KIRREL3: variants seen among roughly 807,000 people sequenced by gnomAD.
KIRREL3 encodes the protein kin of IRRE-like protein 3.
In KIRREL3, 36 loss-of-function variants were observed where a neutral mutation model predicts 89.7. The observed-to-expected ratio is 0.40, with a 90% confidence interval of 0.31 to 0.53. KIRREL3 has a LOEUF of 0.53. Among genes scored for constraint, KIRREL3 ranks in the 20% least tolerant of loss-of-function variants. The pLI, the probability that KIRREL3 is intolerant of heterozygous loss-of-function variation, is 0.49. For synonymous variants in KIRREL3, 445 were observed against 441.4 expected (o/e 1.01, Z -0.10); for missense variants, 864 against 1,056.6 (o/e 0.82, Z 2.53).
intron 1 of KIRREL3, among the ~76,000 whole-genome samples, chr11:126,827,985 A>G (rs951789151): frequency 6.6e-6 from 1 of 152,312 alleles, no homozygotes; most frequent in Admixed American, 6.5e-5. Context: ...CTTGGGAGCA[A>G]TGTGACTTAT....
At chr11:126,932,580 G>A (rs1305499887) in intron 1 of KIRREL3, among the ~76,000 whole-genome samples, 3 of 152,314 alleles carry the variant, frequency 2.0e-5, no homozygotes, top group Admixed American at 6.5e-5. Context: ...CCAATAAGCA[G>A]CAGGTCCCTG....
Position 126,995,088 on chromosome 11 carries a change from G to A in KIRREL3, c.55+5367C>T, listed in dbSNP as rs560750351. On this transcript the variant is annotated intron_variant, in intron 1 of 16. Coordinates refer to ENST00000525144, the MANE Select transcript of KIRREL3 (RefSeq NM_032531.4). This position sits in a 1 kb window ranked among gnomAD's most constrained non-coding sequence, Gnocchi z 6.5. ...CTCTACTTGGAATACAGGATGAAGCGATTACAACCTGGGCGCAGTATACTG... is the reference window on the plus strand; with the variant it reads ...CTCTACTTGGAATACAGGATGAAGCAATTACAACCTGGGCGCAGTATACTG... 13 of 415,320 alleles carry A rather than the reference G, an allele frequency of 3.1e-5. No homozygotes were observed. Among genetic ancestry groups the A allele is most frequent in the East Asian group, 1.4e-4 (2 of 13,996 alleles). 25.7% of individuals were successfully genotyped at this position (415,320 alleles called of 1,614,324 possible).
Position 126,516,597 on chromosome 11 carries a change from G to T in KIRREL3, c.433+4718C>A, listed in dbSNP as rs1958416278. The stretch of plus-strand genomic sequence containing the variant: ...GTGCTTGGCATATAACAGGTGCTCA[G>T]TAAACATTTGTTGATCAAATCCTTG... On this transcript the variant is annotated intron_variant, in intron 4 of 16. Transcript: ENST00000525144. This position sits in a 1 kb window ranked among gnomAD's most constrained non-coding sequence, Gnocchi z 4.9. 6.6e-6 allele frequency among the ~76,000 whole-genome samples: 1 copy of T among 152,204 alleles called. No individual in the cohort carries two copies. The highest frequency in any genetic ancestry group is 2.1e-4 in the South Asian group (1 of 4,828).
At chr11:126,893,716 A>G (rs1201890508) in intron 1 of KIRREL3, among the ~76,000 whole-genome samples, 1 of 152,212 alleles carries the variant, frequency 6.6e-6, no homozygotes, top group Non-Finnish European at 1.5e-5. Context: ...CCACGTCTGA[A>G]TGCACTTAAA....
intron 1 of KIRREL3, among the ~76,000 whole-genome samples, chr11:126,718,189 G>T (rs768449239): frequency 1.3e-4 from 20 of 152,114 alleles, no homozygotes; most frequent in Non-Finnish European, 2.5e-4. Flanking sequence ...CCACATTTCT[G>T]CCCTCTGCCT....
chr11:126,467,007 C>T (rs1252938150), intron 5 of KIRREL3, among the ~76,000 whole-genome samples: 1 of 152,250 alleles, frequency 6.6e-6, no homozygotes, highest in Non-Finnish European at 1.5e-5. Context: ...CAAGAGTCCC[C>T]GAGGACCCAG....
At chr11:126,720,086 T>A (rs1398376669) in intron 1 of KIRREL3, among the ~76,000 whole-genome samples, 2 of 152,236 alleles carry the variant, frequency 1.3e-5, no homozygotes, top group Non-Finnish European at 2.9e-5. Context: ...GTCCTTACTA[T>A]TTTTCCTGCC....
rs1196832880 is a variant in KIRREL3, at chr11:126,562,543, G to A, written c.133+292C>T. Among the ~76,000 whole-genome samples the A allele has an allele frequency of 6.6e-6, 1 of 152,174 alleles. No homozygotes were observed. Among genetic ancestry groups the A allele is most frequent in the Non-Finnish European group, 1.5e-5 (1 of 68,026 alleles). ...GATTTAATTGGGCTGGCTGTGGGGT[G>A]GGGTGCGGAAGAAATGGTAGGGAAG... On this transcript the variant is annotated intron_variant, in intron 2 of 16. Transcript: ENST00000525144. This position sits in a 1 kb window ranked among gnomAD's most constrained non-coding sequence, Gnocchi z 4.7.
At chr11:126,536,187 A>G (rs1193996312) in intron 2 of KIRREL3, among the ~76,000 whole-genome samples, 1 of 152,152 alleles carries the variant, frequency 6.6e-6, no homozygotes, top group Admixed American at 6.5e-5. Context: ...TGGCAGGGCC[A>G]TCTTGGGGAA....
rs1946504430 is a variant in KIRREL3 at position 126,904,690 on chromosome 11, T to C, written c.55+95765A>G. Among the ~76,000 whole-genome samples, 2 of 152,336 alleles carry C rather than the reference T, an allele frequency of 1.3e-5. No individual in the cohort carries two copies. The highest frequency in any genetic ancestry group is 3.4e-3 in the Middle Eastern group (1 of 294). On this transcript the variant is annotated intron_variant, in intron 1 of 16. Transcript: ENST00000525144. This position sits in a 1 kb window ranked among gnomAD's most constrained non-coding sequence, Gnocchi z 4.4. ...CTCCTGCTACAGTTTAGCACAGCTA[T>C]AGCTTGGGGGTAGGGGGTCAAAGGA...
intron 4 of KIRREL3, among the ~76,000 whole-genome samples, chr11:126,510,258 G>T (rs1028748162): frequency 2.6e-5 from 4 of 152,066 alleles, no homozygotes; most frequent in African/African-American, 9.7e-5. Context: ...CAGATTTGCT[G>T]CCATCATCTC....
rs111447128 is a variant in KIRREL3 at position 126,970,093 on chromosome 11, C to G, written c.55+30362G>C. ...CCTAGGTTGTCACCTAGGGACGGAA[C>G]AGGAAAATGCAGCCTCTCTACCACT... is the stretch of plus-strand genomic sequence containing the variant. On this transcript the variant is annotated intron_variant, in intron 1 of 16. Transcript: ENST00000525144. The surrounding 1 kb of genome is among the most constrained non-coding windows in gnomAD (Gnocchi z 4.4). 0.026 allele frequency among the ~76,000 whole-genome samples: 3,982 copies of G among 152,288 alleles called. 79 individuals are homozygous for G. The highest frequency in any genetic ancestry group is 0.065 in the Middle Eastern group (19 of 294).
At chr11:126,657,039 G>T (rs956784846) in intron 1 of KIRREL3, among the ~76,000 whole-genome samples, 3 of 151,684 alleles carry the variant, frequency 2.0e-5, no homozygotes, top group Non-Finnish European at 4.4e-5. Flanking sequence ...CTGGGCAATG[G>T]AGTGAGACTG....
At chr11:126,815,125 G>A (rs2134435335) in intron 1 of KIRREL3, among the ~76,000 whole-genome samples, 1 of 152,200 alleles carries the variant, frequency 6.6e-6, no homozygotes, top group South Asian at 2.1e-4. Context: ...AAAAACAGAT[G>A]ACAAAAGACA....
chr11:126,745,073 G>T (rs535401766), intron 1 of KIRREL3, among the ~76,000 whole-genome samples: 6 of 152,176 alleles, frequency 3.9e-5, no homozygotes, highest in African/African-American at 1.4e-4. Flanking sequence ...CTCCTTCCAC[G>T]CCAGGTATCA....
chr11:126,958,618 T>C lies in KIRREL3; in HGVS notation c.55+41837A>G, dbSNP rs762676979. Among the ~76,000 whole-genome samples the C allele has an allele frequency of 5.3e-4, 81 of 152,360 alleles. 1 individual carries two copies. The highest frequency in any genetic ancestry group is 6.8e-3 in the Middle Eastern group (2 of 294). On this transcript the variant is annotated intron_variant, in intron 1 of 16. Transcript: ENST00000525144. Reference sequence around the variant, plus strand: ...GAAGTGGTCTTCATTTGTGAATTCATCTACAGTGCCTAGTGCAGTGTCTTT... The same window carrying C: ...GAAGTGGTCTTCATTTGTGAATTCACCTACAGTGCCTAGTGCAGTGTCTTT...
At position 126,424,431 on chromosome 11, in the gene KIRREL3, C is replaced by A. The variant is rs1954847754; in HGVS notation, c.*149G>T. ...GACCCAGATTTGTGCTTGATCAGAG[C>A]TTCGAAGGAAGGCAGTGGCAGAGGC... On this transcript the variant is annotated 3_prime_UTR_variant, in exon 17 of 17. Transcript: ENST00000525144. The A allele has an allele frequency of 5.7e-6, 4 of 696,164 alleles. No individual in the cohort carries two copies. The highest frequency in any genetic ancestry group is 7.2e-6 in the Non-Finnish European group (3 of 418,612). 43.1% of individuals were successfully genotyped at this position (696,164 alleles called of 1,614,324 possible).
rs1295028224 is a variant in KIRREL3, at chr11:126,455,238, C to T, written c.848+1111G>A. Among the ~76,000 whole-genome samples, 4 of 152,236 alleles carry T rather than the reference C, an allele frequency of 2.6e-5. No individual in the cohort carries two copies. Among genetic ancestry groups the T allele is most frequent in the African/African-American group, 2.4e-5 (1 of 41,462 alleles). ...TGAGTCAGGGCCATGGCAAGTTCCA[C>T]GTGGCACCCAAAAGGAGGTGAGTCT... is the stretch of plus-strand genomic sequence containing the variant. On this transcript the variant is annotated intron_variant, in intron 7 of 16. Transcript: ENST00000525144. The surrounding 1 kb of genome is among the most constrained non-coding windows in gnomAD (Gnocchi z 6.4).
At chr11:126,829,263 T>C (rs1796978976) in intron 1 of KIRREL3, among the ~76,000 whole-genome samples, 1 of 152,172 alleles carries the variant, frequency 6.6e-6, no homozygotes, top group Non-Finnish European at 1.5e-5. Flanking sequence ...TCACGGGTGC[T>C]AATGGCAAAG....
Sources: gnomAD v4.1 joint callset for allele counts (sites outside exome capture counted in the v4.1 genomes callset) on GRCh38, gnomAD v4.1.1 for gene constraint, Gnocchi (gnomAD v3.1) non-coding constraint, MANE v1.5 for transcripts, NCBI Gene and HGNC (gene_info 2026-07-23, HGNC 2026-07-21) for gene names.